The following DLG2 variants were observed in gnomAD, a reference collection of about 807,000 sequenced individuals.
DLG2 encodes disks large homolog 2.
DLG2 carries 45 observed loss-of-function variants against 132.5 expected under a neutral mutation model. The ratio of observed to expected loss-of-function variants is 0.34; its 90% CI spans 0.27 to 0.44. The LOEUF (loss-of-function observed/expected upper bound fraction) is 0.44. DLG2 is among the 20% of genes least tolerant of loss of function. The pLI is 1.00. For missense variants in DLG2, 1,045 were observed against 1,196.9 expected (o/e 0.87, Z 1.87); for synonymous variants, 424 against 419.6 (o/e 1.01, Z -0.13).
At chr11:85,002,494 T>A (rs2058302524) in intron 6 of DLG2, among the ~76,000 whole-genome samples, 3 of 152,180 alleles carry the variant, frequency 2.0e-5, no homozygotes, top group Admixed American at 1.3e-4. Flanking sequence ...CTACAATCTC[T>A]CCATGATAAT....
At chr11:83,477,128 T>C (rs2092684851) in intron 22 of DLG2, among the ~76,000 whole-genome samples, 1 of 152,058 alleles carries the variant, frequency 6.6e-6, no homozygotes, top group African/African-American at 2.4e-5. Context: ...CACACATCCA[T>C]GATGATGTAA....
intron 10 of DLG2, among the ~76,000 whole-genome samples, chr11:84,078,492 C>A (rs1269321182): frequency 6.6e-6 from 1 of 152,074 alleles, no homozygotes; most frequent in African/African-American, 2.4e-5. Flanking sequence ...ATATCTAGGA[C>A]AATGAATCAT....
chr11:84,347,527 C>A (rs2098544434), intron 7 of DLG2, among the ~76,000 whole-genome samples: 1 of 152,034 alleles, frequency 6.6e-6, no homozygotes. Context: ...TAGTCTTTCT[C>A]GCAGCAATGT....
chr11:84,889,056 C>T (rs1442159232), intron 6 of DLG2, among the ~76,000 whole-genome samples: 1 of 152,080 alleles, frequency 6.6e-6, no homozygotes, highest in Non-Finnish European at 1.5e-5. Context: ...CCTCAATAAT[C>T]TCAATTCAAA....
intron 4 of DLG2, among the ~76,000 whole-genome samples, chr11:85,214,509 C>T (rs901034028): frequency 6.6e-6 from 1 of 152,140 alleles, no homozygotes; most frequent in Admixed American, 6.6e-5. Flanking sequence ...CAATTAAATT[C>T]ACAAACCTGA....
chr11:84,107,868 C>A (rs1056068291), intron 9 of DLG2, among the ~76,000 whole-genome samples: 30 of 152,100 alleles, frequency 2.0e-4, no homozygotes, highest in African/African-American at 7.2e-4. Flanking sequence ...ATTGGAACTG[C>A]AGCTTTGAGG....
At chr11:84,867,187 C>A (rs1202515691) in intron 6 of DLG2, among the ~76,000 whole-genome samples, 1 of 152,172 alleles carries the variant, frequency 6.6e-6, no homozygotes, top group South Asian at 2.1e-4. Flanking sequence ...GTGAGAGACA[C>A]ATACAGAAAC....
At position 84,137,118 on chromosome 11, in the gene DLG2, T is replaced by A. The variant is rs531612197; in HGVS notation, c.624+26343A>T. ...CAGTATGTCTTTGGCTACAACTGTG[T>A]AGGTTGTGGCAACTTACCAGACAGC... On this transcript the variant is annotated intron_variant, in intron 9 of 27. Transcript: ENST00000376104. 2.1e-3 allele frequency among the ~76,000 whole-genome samples: 327 copies of A among 152,258 alleles called. 1 individual carries two copies. Among genetic ancestry groups the A allele is most frequent in the African/African-American group, 7.4e-3 (307 of 41,546 alleles).
rs17466033 is a variant in DLG2 at position 83,606,569 on chromosome 11, C to A, written c.1940+26642G>T. Among the ~76,000 whole-genome samples the A allele has an allele frequency of 7.5e-3, 1,135 of 151,828 alleles. 8 individuals are homozygous for A. The highest frequency in any genetic ancestry group is 0.02 in the Middle Eastern group (6 of 294). On this transcript the variant is annotated intron_variant, in intron 19 of 27. Transcript: ENST00000376104. ...GCCCATACAGTTGTCAGGGTCTTCA[C>A]GGAGTTGACCTCTGTTTAAAGGAAT...
chr11:84,838,108 A>G (rs2080069853), intron 6 of DLG2, among the ~76,000 whole-genome samples: 1 of 151,952 alleles, frequency 6.6e-6, no homozygotes, highest in Non-Finnish European at 1.5e-5. Context: ...ACAAAGCAAT[A>G]TTAACTAAGC....
In DLG2 at chr11:84,243,017, C is replaced by CTCTCTCTCTCTCTATATA. The variant is rs542476924; in HGVS notation, c.573+8220_573+8221insTATATAGAGAGAGAGAGA. On this transcript the variant is annotated intron_variant, in intron 8 of 27. Coordinates refer to ENST00000376104, the MANE Select transcript of DLG2 (RefSeq NM_001142699.3). ...GTTCTCTCTCTCTCTCTCTCTCTCTCTATATATATATATATATATATACAC... is the reference window on the plus strand; with the variant it reads ...GTTCTCTCTCTCTCTCTCTCTCTCTCTCTCTCTCTCTCTATATATATATATATATATATATATATACAC... Among the ~76,000 whole-genome samples, 313 of 142,158 alleles carry CTCTCTCTCTCTCTATATA rather than the reference C, an allele frequency of 2.2e-3. 1 individual carries two copies. The highest frequency in any genetic ancestry group is 6.0e-3 in the East Asian group (29 of 4,816). 93.3% of individuals were successfully genotyped at this position (142,158 alleles called of 152,430 possible).
Position 83,802,323 on chromosome 11 carries a change from C to G in DLG2, c.1723-15531G>C, listed in dbSNP as rs181479858. Among the ~76,000 whole-genome samples the G allele has an allele frequency of 2.6e-4, 39 of 152,238 alleles. 1 individual carries two copies. The highest frequency in any genetic ancestry group is 9.1e-4 in the African/African-American group (38 of 41,552). On this transcript the variant is annotated intron_variant, in intron 17 of 27. Coordinates refer to ENST00000376104, the MANE Select transcript of DLG2 (RefSeq NM_001142699.3). ...AGGCTAAATTCCTACCCTTCAAGAT[C>G]TGCTTTGTGGCTTCTCAACTCACCC... is the stretch of plus-strand genomic sequence containing the variant.
At chr11:85,480,316 T>C (rs2093256610) in intron 3 of DLG2, among the ~76,000 whole-genome samples, 1 of 152,136 alleles carries the variant, frequency 6.6e-6, no homozygotes. Context: ...AGCTACATTA[T>C]GATAAACAAA....
chr11:84,994,817 C>A (rs553414143), intron 6 of DLG2, among the ~76,000 whole-genome samples: 13 of 152,246 alleles, frequency 8.5e-5, no homozygotes, highest in African/African-American at 3.1e-4. Flanking sequence ...AAACAACCAG[C>A]CTTGTGTTTC....
At chr11:83,629,767 G>C (rs1036690667) in intron 19 of DLG2, among the ~76,000 whole-genome samples, 1 of 152,160 alleles carries the variant, frequency 6.6e-6, no homozygotes, top group African/African-American at 2.4e-5. Flanking sequence ...CAGTGAACGA[G>C]AGCCTCAAAA....
chr11:84,378,545 G>GA (rs1216557815), intron 7 of DLG2, among the ~76,000 whole-genome samples: 1 of 152,036 alleles, frequency 6.6e-6, no homozygotes, highest in South Asian at 2.1e-4. Flanking sequence ...TCAATGGGGG[G>GA]AAAAATCTCG....
At chr11:83,490,351 C>T (rs1371363131) in intron 21 of DLG2, among the ~76,000 whole-genome samples, 5 of 152,012 alleles carry the variant, frequency 3.3e-5, no homozygotes, top group Admixed American at 6.6e-5. Flanking sequence ...AATTTGAGTT[C>T]ACTCTGATTA....
intron 3 of DLG2, among the ~76,000 whole-genome samples, chr11:85,441,609 C>A (rs1234980576): frequency 6.6e-6 from 1 of 152,072 alleles, no homozygotes; most frequent in Non-Finnish European, 1.5e-5. Flanking sequence ...CAACGGTGAG[C>A]AAGGTAGCCA....
At chr11:85,218,991 A>T (rs1220429962) in intron 4 of DLG2, among the ~76,000 whole-genome samples, 2 of 152,142 alleles carry the variant, frequency 1.3e-5, no homozygotes, top group Non-Finnish European at 2.9e-5. Flanking sequence ...ACCAAATACC[A>T]CATGTTCTTA....
Sources: gnomAD v4.1 joint callset for allele counts (sites outside exome capture counted in the v4.1 genomes callset) on GRCh38, gnomAD v4.1.1 for gene constraint, MANE v1.5 for transcripts, NCBI Gene and HGNC (gene_info 2026-07-23, HGNC 2026-07-21) for gene names.